Variants in CSGALNACT1 observed in about 807,000 individuals in gnomAD.
The protein encoded by CSGALNACT1 is beta4GalNAcT-1.
In CSGALNACT1, 52 loss-of-function variants were observed where a neutral mutation model predicts 51.0. That is an observed-to-expected ratio of 1.02 (90% CI 0.82 to 1.29). The LOEUF is 1.29. CSGALNACT1 is among the 50% of genes most tolerant of loss of function. The pLI is 0.00. For missense variants in CSGALNACT1, 935 were observed against 679.2 expected (o/e 1.38, Z -4.19); for synonymous variants, 341 against 254.4 (o/e 1.34, Z -3.24).
intron 3 of CSGALNACT1, among the ~76,000 whole-genome samples, chr8:19,578,348 G>A (rs990129481): frequency 6.6e-6 from 1 of 152,110 alleles, no homozygotes; most frequent in Non-Finnish European, 1.5e-5. Context: ...TCATGCTCTG[G>A]GACTTTGTGT....
At chr8:19,697,186 T>C (rs533598680) in intron 1 of CSGALNACT1, among the ~76,000 whole-genome samples, 1 of 151,378 alleles carries the variant, frequency 6.6e-6, no homozygotes, top group Admixed American at 6.6e-5. Context: ...TAAGAGGCAA[T>C]AGCAATGGAG....
chr8:19,422,800 G>C (rs755828410), intron 6 of CSGALNACT1, among the ~76,000 whole-genome samples: 2 of 152,114 alleles, frequency 1.3e-5, no homozygotes, highest in Non-Finnish European at 2.9e-5. Context: ...TCCCTTCCCG[G>C]TTTGGTCAGT....
chr8:19,435,103 T>C (rs1027920859), intron 6 of CSGALNACT1, among the ~76,000 whole-genome samples: 1 of 152,202 alleles, frequency 6.6e-6, no homozygotes, highest in African/African-American at 2.4e-5. Flanking sequence ...CTCTGAAGGA[T>C]GCTTTCATGT....
At chr8:19,679,351 A>T (rs573911624) in intron 1 of CSGALNACT1, among the ~76,000 whole-genome samples, 1 of 152,182 alleles carries the variant, frequency 6.6e-6, no homozygotes, top group Non-Finnish European at 1.5e-5. Flanking sequence ...GCTACTTGGG[A>T]GGCTGAGGTG....
At chr8:19,469,075 G>A (rs1027073326) in intron 4 of CSGALNACT1, among the ~76,000 whole-genome samples, 6 of 152,122 alleles carry the variant, frequency 3.9e-5, no homozygotes, top group African/African-American at 1.2e-4. Flanking sequence ...CTGCACCAAG[G>A]TTAACTAAGA....
intron 1 of CSGALNACT1, among the ~76,000 whole-genome samples, chr8:19,737,265 T>A (rs999167212): frequency 6.6e-6 from 1 of 151,506 alleles, no homozygotes; most frequent in Non-Finnish European, 1.5e-5. Context: ...GAAGTATATA[T>A]CTCCCAGAAA....
intron 6 of CSGALNACT1, among the ~76,000 whole-genome samples, chr8:19,425,292 G>A (rs1294219863): frequency 6.6e-6 from 1 of 152,188 alleles, no homozygotes; most frequent in South Asian, 2.1e-4. Context: ...TGTGAGCCGA[G>A]ATCGTGCCAT....
At chr8:19,708,238 G>T (rs916457487) in intron 1 of CSGALNACT1, among the ~76,000 whole-genome samples, 1 of 152,184 alleles carries the variant, frequency 6.6e-6, no homozygotes, top group African/African-American at 2.4e-5. Flanking sequence ...TACATGCAAA[G>T]AAATGTGCAC....
At chr8:19,474,750 C>T (rs951281024) in intron 4 of CSGALNACT1, among the ~76,000 whole-genome samples, 2 of 151,710 alleles carry the variant, frequency 1.3e-5, no homozygotes, top group Non-Finnish European at 2.9e-5. Flanking sequence ...GGCCTGTAAT[C>T]CCAGCTACTC....
intron 1 of CSGALNACT1, among the ~76,000 whole-genome samples, chr8:19,753,584 G>A (rs1484726556): frequency 2.0e-5 from 3 of 152,140 alleles, no homozygotes; most frequent in East Asian, 1.9e-4. Context: ...ATTGCCTAGC[G>A]TGGTTTTGAT....
At chr8:19,438,539 A>G (rs960405531) in intron 6 of CSGALNACT1, among the ~76,000 whole-genome samples, 12 of 151,982 alleles carry the variant, frequency 7.9e-5, no homozygotes, top group African/African-American at 2.9e-4. Context: ...CTGGTTTTAA[A>G]CTCTTAAGCA....
At chr8:19,706,205 T>C (rs1337529269) in intron 1 of CSGALNACT1, among the ~76,000 whole-genome samples, 2 of 152,098 alleles carry the variant, frequency 1.3e-5, no homozygotes, top group African/African-American at 4.8e-5. Flanking sequence ...TTCCCCAATG[T>C]CATAGTTAAT....
intron 4 of CSGALNACT1, among the ~76,000 whole-genome samples, chr8:19,491,945 G>C (rs2074437001): frequency 6.6e-6 from 1 of 152,210 alleles, no homozygotes; most frequent in Non-Finnish European, 1.5e-5. Flanking sequence ...AGGTTACAGA[G>C]ATTAATGATT....
chr8:19,531,767 C>T (rs1279526777), intron 3 of CSGALNACT1: 1 of 152,226 alleles, frequency 6.6e-6, no homozygotes, highest in Non-Finnish European at 1.5e-5. Flanking sequence ...CTTTCACGTC[C>T]CCAGTCTGCA....
intron 3 of CSGALNACT1, chr8:19,591,064 T>C (rs1427196501): frequency 2.0e-5 from 3 of 152,254 alleles, no homozygotes; most frequent in East Asian, 1.9e-4. Flanking sequence ...CTCTCAACTA[T>C]ACCTCTTGGT....
chr8:19,645,994 T>C (rs546750454), intron 1 of CSGALNACT1, among the ~76,000 whole-genome samples: 4 of 152,234 alleles, frequency 2.6e-5, no homozygotes, highest in South Asian at 2.1e-4. Context: ...AAGCATGTTA[T>C]AGAAAATACA....
upstream of CSGALNACT1, chr8:19,682,722 T>C (rs1461582190): frequency 2.2e-6 from 1 of 453,978 alleles, no homozygotes; most frequent in Non-Finnish European, 4.4e-6. Flanking sequence ...GCCACACCAA[T>C]GCACAGCCTG....
intron 1 of CSGALNACT1, among the ~76,000 whole-genome samples, chr8:19,744,249 T>C (rs567990722): frequency 6.6e-6 from 1 of 152,328 alleles, no homozygotes; most frequent in South Asian, 2.1e-4. Context: ...GCCACGTTCT[T>C]TAAAATTGCC....
At chr8:19,410,602 G>A (rs558376837) in intron 8 of CSGALNACT1, among the ~76,000 whole-genome samples, 2 of 152,330 alleles carry the variant, frequency 1.3e-5, no homozygotes, top group East Asian at 1.9e-4. Flanking sequence ...ACAAGAGGGA[G>A]GCATCCAGAG....
Sources: gnomAD v4.1 joint callset for allele counts (sites outside exome capture counted in the v4.1 genomes callset) on GRCh38, gnomAD v4.1.1 for gene constraint, MANE v1.5 for transcripts, NCBI Gene and HGNC (gene_info 2026-07-23, HGNC 2026-07-21) for gene names.